Variants in CDH12 observed in about 807,000 individuals in gnomAD.
CDH12 encodes cadherin-12.
In CDH12, 41 loss-of-function variants were observed where a neutral mutation model predicts 74.1. That is an observed-to-expected ratio of 0.55 (90% CI 0.43 to 0.72). CDH12 has a LOEUF of 0.72. CDH12 is among the 30% of genes least tolerant of loss of function. The pLI is 0.00. For synonymous variants in CDH12, 399 were observed against 355.0 expected (o/e 1.12, Z -1.39); for missense variants, 945 against 977.2 (o/e 0.97, Z 0.44).
At chr5:21,998,169 T>G (rs1011350634) in intron 5 of CDH12, among the ~76,000 whole-genome samples, 2 of 152,060 alleles carry the variant, frequency 1.3e-5, no homozygotes, top group Non-Finnish European at 2.9e-5. Context: ...AATTTTTCCC[T>G]TCCTTGGCTC....
chr5:22,212,032 C>T (rs191049697), intron 4 of CDH12, among the ~76,000 whole-genome samples: 9,607 of 150,576 alleles, frequency 0.064, 448 homozygotes, highest in Middle Eastern at 0.1. Context: ...GGATTTAGTC[C>T]TAAATCCTTA....
At chr5:22,215,527 A>C in intron 3 of CDH12, among the ~76,000 whole-genome samples, 1 of 152,156 alleles carries the variant, frequency 6.6e-6, no homozygotes, top group African/African-American at 2.4e-5. Flanking sequence ...ACTCAATTTC[A>C]AATTTTTAAA....
intron 4 of CDH12, among the ~76,000 whole-genome samples, chr5:22,162,648 T>G (rs1480216230): frequency 2.0e-5 from 3 of 152,048 alleles, no homozygotes; most frequent in Admixed American, 2.0e-4. Flanking sequence ...AAAAATAACA[T>G]CATGCATATA....
intron 3 of CDH12, among the ~76,000 whole-genome samples, chr5:22,367,640 T>C (rs560930194): frequency 6.6e-6 from 1 of 152,318 alleles, no homozygotes; most frequent in Admixed American, 6.5e-5. Context: ...AGTTTCCTTA[T>C]GCTTTCACTT....
In CDH12 at chr5:22,802,081, T is replaced by C. The variant is rs183525240; in HGVS notation, c.-523+50977A>G. ...AATTTACTGATGCTCTCTTTGTCTA[T>C]GTCTAATTTTGCTGCTCAAACAGAA... On this transcript the variant is annotated intron_variant, in intron 1 of 14. Transcript: ENST00000382254. Among the ~76,000 whole-genome samples the C allele has an allele frequency of 3.9e-3, 588 of 152,074 alleles. 4 individuals carry two copies. The highest frequency in any genetic ancestry group is 0.013 in the African/African-American group (545 of 41,508).
rs758655194 is a variant in CDH12 at position 21,845,797 on chromosome 5, TAGAA to T, written c.647-3473_647-3470del. On this transcript the variant is annotated intron_variant, in intron 7 of 14. Coordinates refer to ENST00000382254, the MANE Select transcript of CDH12 (RefSeq NM_004061.5). ...GTCTGGCTCAGAGTGATAAAGGAGATAGAAAGAAATTACTTAGGCAGATAGTAAG... is the reference window on the plus strand; with the variant it reads ...GTCTGGCTCAGAGTGATAAAGGAGATAGAAATTACTTAGGCAGATAGTAAG... Among the ~76,000 whole-genome samples, 136 of 152,210 alleles carry T rather than the reference TAGAA, an allele frequency of 8.9e-4. 1 individual carries two copies. Among genetic ancestry groups the T allele is most frequent in the Admixed American group, 2.9e-3 (45 of 15,272 alleles).
At position 21,997,622 on chromosome 5, in the gene CDH12, T is replaced by A. The variant is rs188808316; in HGVS notation, c.232-22237A>T. ...TATTTCTCCATGGAAAACTATGTGATAAATACTAGAGATGCCATGAATATA... is the reference window on the plus strand; with the variant it reads ...TATTTCTCCATGGAAAACTATGTGAAAAATACTAGAGATGCCATGAATATA... On this transcript the variant is annotated intron_variant, in intron 5 of 14. Coordinates refer to ENST00000382254, the MANE Select transcript of CDH12 (RefSeq NM_004061.5). 9.5e-3 allele frequency among the ~76,000 whole-genome samples: 1,449 copies of A among 152,202 alleles called. 25 individuals carry two copies. The highest frequency in any genetic ancestry group is 0.033 in the African/African-American group (1,355 of 41,532).
At chr5:21,996,993 T>A (rs1736338619) in intron 5 of CDH12, among the ~76,000 whole-genome samples, 1 of 152,178 alleles carries the variant, frequency 6.6e-6, no homozygotes, top group Admixed American at 6.6e-5. Context: ...AATGGGATTA[T>A]TTGTTTATTA....
intron 3 of CDH12, among the ~76,000 whole-genome samples, chr5:22,318,705 C>T (rs1462604091): frequency 6.6e-6 from 1 of 152,118 alleles, no homozygotes; most frequent in Non-Finnish European, 1.5e-5. Flanking sequence ...TTGCAATTTG[C>T]CTTTAGAAAG....
intron 5 of CDH12, among the ~76,000 whole-genome samples, chr5:22,053,783 C>G (rs1284798537): frequency 6.6e-6 from 1 of 152,084 alleles, no homozygotes; most frequent in Non-Finnish European, 1.5e-5. Context: ...TACATTTACT[C>G]TTACCCTACC....
chr5:21,999,422 A>G (rs10079159), intron 5 of CDH12, among the ~76,000 whole-genome samples: 23,810 of 152,132 alleles, frequency 0.16, 2,085 homozygotes, highest in African/African-American at 0.22. Flanking sequence ...ACACAAACCC[A>G]TTGAACTGTC....
chr5:22,805,291 C>G (rs1748724058), intron 1 of CDH12, among the ~76,000 whole-genome samples: 4 of 152,050 alleles, frequency 2.6e-5, no homozygotes, highest in African/African-American at 9.6e-5. Context: ...GTTGAATGTT[C>G]TATAGTTTCC....
intron 5 of CDH12, among the ~76,000 whole-genome samples, chr5:21,978,853 T>C (rs1757183154): frequency 1.3e-5 from 2 of 152,130 alleles, no homozygotes; most frequent in African/African-American, 4.8e-5. Flanking sequence ...TTTATGAATC[T>C]TAGAAAATGT....
intron 5 of CDH12, among the ~76,000 whole-genome samples, chr5:22,064,736 G>T (rs1741442501): frequency 6.6e-6 from 1 of 152,092 alleles, no homozygotes; most frequent in South Asian, 2.1e-4. Context: ...AAAAAGTGAA[G>T]AAACAAAAGG....
At chr5:22,260,403 C>CAA (rs1409873286) in intron 3 of CDH12, among the ~76,000 whole-genome samples, 3 of 151,980 alleles carry the variant, frequency 2.0e-5, no homozygotes, top group Admixed American at 6.6e-5. Context: ...TTCTATAGTC[C>CAA]AAATTAATAA....
At chr5:22,247,462 G>A (rs1210412093) in intron 3 of CDH12, among the ~76,000 whole-genome samples, 1 of 152,088 alleles carries the variant, frequency 6.6e-6, no homozygotes, top group Non-Finnish European at 1.5e-5. Context: ...GGATCACGAG[G>A]TCAGGAGTTC....
chr5:21,762,572 A>C, intron 12 of CDH12, among the ~76,000 whole-genome samples: 1 of 152,116 alleles, frequency 6.6e-6, no homozygotes. Flanking sequence ...TGGACATTTC[A>C]GGGTTATGCT....
chr5:22,695,201 G>C (rs1311395703), intron 1 of CDH12, among the ~76,000 whole-genome samples: 1 of 152,062 alleles, frequency 6.6e-6, no homozygotes, highest in African/African-American at 2.4e-5. Context: ...AGTATCCCAT[G>C]GTGTATATGT....
At chr5:22,155,679 A>G (rs1222954781) in intron 4 of CDH12, among the ~76,000 whole-genome samples, 9 of 152,264 alleles carry the variant, frequency 5.9e-5, no homozygotes, top group Admixed American at 5.9e-4. Flanking sequence ...TTATTTTTAT[A>G]CAGAACAGAA....
Sources: allele counts gnomAD v4.1 joint callset (sites outside exome capture counted in the v4.1 genomes callset), GRCh38; gene constraint gnomAD v4.1.1; transcripts MANE v1.5; gene names NCBI Gene and HGNC (gene_info 2026-07-23, HGNC 2026-07-21).